FYCO1: variants seen among roughly 807,000 people sequenced by gnomAD.
FYCO1 encodes the protein FYVE and coiled-coil domain autophagy adaptor 1.
FYCO1 carries 122 observed loss-of-function variants against 165.1 expected under a neutral mutation model. That is an observed-to-expected ratio of 0.74 (90% CI 0.64 to 0.86). FYCO1 has a LOEUF of 0.86. FYCO1 is among the 40% of genes least tolerant of loss of function. FYCO1 has a pLI of 0.00. For missense variants in FYCO1, 1,702 were observed against 1,810.3 expected (o/e 0.94, Z 1.09); for synonymous variants, 648 against 742.5 (o/e 0.87, Z 2.07).
chr3:45,969,632 G>A (rs754967855), intron 7 of FYCO1, 43 bp downstream of exon 7: 1 of 1,504,052 alleles, frequency 6.6e-7, no homozygotes, highest in South Asian at 1.1e-5. Flanking sequence ...ACATACCCTG[G>A]TAGAAGCTAT....
Position 45,968,503 on chromosome 3 carries a change from C to G in FYCO1, c.831G>C (p.Glu277Asp), listed in dbSNP as rs756545424. Reference protein sequence around the residue: ...VSQQGEQLQTERERGRTAAED... With the variant: ...VSQQGEQLQTDRERGRTAAED... Reference sequence around the variant, plus strand: ...CCGCTGCAGTGCGCCCCCTCTCCCTCTCTGTCTGCAGTTGCTCCCCTTGCT... The same window carrying G: ...CCGCTGCAGTGCGCCCCCTCTCCCTGTCTGTCTGCAGTTGCTCCCCTTGCT... The change falls in exon 8 of 18, where the codon GAG (glutamate) becomes GAC (aspartate). Residue 277 changes from glutamate to aspartate, a missense_variant. Transcript: ENST00000296137. 6.8e-6 allele frequency: 11 copies of G among 1,614,000 alleles called. No homozygotes were observed. In the South Asian group the frequency reaches 9.9e-5, roughly 14 times the overall value.
Position 45,962,081 on chromosome 3 carries a change from A to C in FYCO1, c.3437+144T>G, listed in dbSNP as rs1244060045. ...GGACTCTAGTACTGGGGAAAGTGAG[A>C]TGGAGAAGGAGAGAGGGGCTCCTGA... On this transcript the variant is annotated intron_variant, in intron 11 of 17. Transcript: ENST00000296137. This position sits in a 1 kb window ranked among gnomAD's most constrained non-coding sequence, Gnocchi z 4.4. 5.6e-6 allele frequency: 5 copies of C among 885,778 alleles called. No homozygotes were observed. The highest frequency in any genetic ancestry group is 9.3e-6 in the Non-Finnish European group (5 of 536,452). 54.9% of individuals were successfully genotyped at this position (885,778 alleles called of 1,614,324 possible).
intron 1 of FYCO1, among the ~76,000 whole-genome samples, chr3:45,985,472 G>A (rs1707265318): frequency 6.6e-6 from 1 of 152,172 alleles, no homozygotes; most frequent in South Asian, 2.1e-4. Context: ...TTCTTTCTCT[G>A]AAGAATGGTC....
intron 14 of FYCO1, chr3:45,948,262 TG>T (rs1402653909): frequency 6.0e-6 from 1 of 167,030 alleles, no homozygotes; most frequent in Non-Finnish European, 1.5e-5. Context: ...CGTATGTAAA[TG>T]TATATACCCA....
In FYCO1 at chr3:45,967,704, CTT is replaced by C. The variant is rs766571780; in HGVS notation, c.1628_1629del (p.Lys543ArgfsTer26). 160 of 1,613,526 alleles carry C rather than the reference CTT, an allele frequency of 9.9e-5. No homozygotes were observed. The highest frequency in any genetic ancestry group is 1.3e-4 in the Non-Finnish European group (151 of 1,180,038). ...EEQKKQLIQD[K>X]DHLSQQVGML... ...ATACCCACCTGCTGGCTGAGGTGGTCTTTGTCCTGAATGAGCTGCTTCTTCTG... is the reference window on the plus strand; with the variant it reads ...ATACCCACCTGCTGGCTGAGGTGGTCTGTCCTGAATGAGCTGCTTCTTCTG... On this transcript the variant is annotated frameshift_variant, in exon 8 of 18. Coordinates refer to ENST00000296137, the MANE Select transcript of FYCO1 (RefSeq NM_024513.4). LOFTEE classifies it high-confidence loss of function.
chr3:45,932,688 A>G (rs771086974), intron 15 of FYCO1, among the ~76,000 whole-genome samples: 2 of 152,236 alleles, frequency 1.3e-5, no homozygotes, highest in Non-Finnish European at 2.9e-5. Context: ...AGACTCCCCA[A>G]AGCTAATGAG....
chr3:45,926,454 C>T (rs58357264), intron 16 of FYCO1, among the ~76,000 whole-genome samples: 4,105 of 152,248 alleles, frequency 0.027, 164 homozygotes, highest in East Asian at 0.17. Flanking sequence ...ATTAAAAGGA[C>T]AATAATCCTA....
At chr3:45,947,714 G>A in intron 14 of FYCO1, 1 of 565,892 alleles carries the variant, frequency 1.8e-6, no homozygotes, top group South Asian at 2.7e-5. Flanking sequence ...CCCAAGTAGG[G>A]GGTCTAAAAT....
At position 45,975,221 on chromosome 3, in the gene FYCO1, G is replaced by A; in HGVS notation, c.395+18C>T. On this transcript the variant is annotated intron_variant, in intron 5 of 17. Coordinates refer to ENST00000296137, the MANE Select transcript of FYCO1 (RefSeq NM_024513.4). ...CTGCACGGGATGATCCCAAACCCCA[G>A]CCCTGTCCTGTATTTACCTGGTCAC... 1 of 1,539,686 alleles carries A rather than the reference G, an allele frequency of 6.5e-7. No individual in the cohort carries two copies. Among genetic ancestry groups the A allele is most frequent in the Non-Finnish European group, 9.0e-7 (1 of 1,111,956 alleles).
chr3:45,955,274 A>T lies in FYCO1; in HGVS notation c.3919T>A (p.Ser1307Thr). The T allele has an allele frequency of 6.2e-7, 1 of 1,614,032 alleles. No individual in the cohort carries two copies. Among genetic ancestry groups the T allele is most frequent in the Non-Finnish European group, 8.5e-7 (1 of 1,179,996 alleles). The change falls in exon 14 of 18, where the codon TCT becomes ACT. Residue 1307 changes from serine (S) to threonine (T), a missense_variant. Ser to Thr is a moderately conservative substitution (Grantham distance 58). Transcript: ENST00000296137. Reference sequence around the variant, plus strand: ...TGTTCAGCCGCATTTGGGTCGAGAGAATCAGTTTCAGTGGGTGTTTCAGGC... The same window carrying T: ...TGTTCAGCCGCATTTGGGTCGAGAGTATCAGTTTCAGTGGGTGTTTCAGGC... ...SLPETPTETDSLDPNAAEQDT... is the reference protein window; with the variant it reads ...SLPETPTETDTLDPNAAEQDT...
At chr3:45,992,200 A>C (rs1398720944) in intron 1 of FYCO1, among the ~76,000 whole-genome samples, 1 of 152,186 alleles carries the variant, frequency 6.6e-6, no homozygotes, top group Non-Finnish European at 1.5e-5. Flanking sequence ...TCCATTCCTG[A>C]AAGTGTGCAT....
intron 16 of FYCO1, among the ~76,000 whole-genome samples, chr3:45,925,556 A>T (rs1472751220): frequency 6.6e-6 from 1 of 152,218 alleles, no homozygotes; most frequent in Non-Finnish European, 1.5e-5. Context: ...TAATATAAGG[A>T]TGCGATTACT....
intron 14 of FYCO1, among the ~76,000 whole-genome samples, chr3:45,944,230 A>G (rs538643620): frequency 6.6e-6 from 1 of 152,038 alleles, no homozygotes; most frequent in East Asian, 1.9e-4. Flanking sequence ...ATATATATAC[A>G]TTATTTCTGA....
rs924339373 is a variant in FYCO1, at chr3:45,957,136, G to A, written c.3799+1272C>T. Among the ~76,000 whole-genome samples the A allele has an allele frequency of 5.9e-5, 9 of 152,236 alleles. No individual in the cohort carries two copies. In the East Asian group the frequency reaches 7.7e-4, roughly 13 times the overall value. ...TGGCAGCATAAAAAAAAATAAGGTC[G>A]GTTTTTGACAAAGGTGCAAGGAACA... On this transcript the variant is annotated intron_variant, in intron 13 of 17. Transcript: ENST00000296137.
At position 45,955,385 on chromosome 3, in the gene FYCO1, T is replaced by C. The variant is rs145244537; in HGVS notation, c.3808A>G (p.Thr1270Ala). ...GCGTCGTCCGGTGGCCTGTAGTCTGTATTTGCTCCTGGGCAGCAGAGGCAG... is the reference window on the plus strand; with the variant it reads ...GCGTCGTCCGGTGGCCTGTAGTCTGCATTTGCTCCTGGGCAGCAGAGGCAG... ...PQATGGQGAN[T>A]DYRPPDDAVF... is the part of the protein sequence containing the mutation. The change falls in exon 14 of 18, where the codon ACA becomes GCA. Residue 1270 changes from threonine (T) to alanine (A), a missense_variant. Transcript: ENST00000296137. 1.4e-4 allele frequency: 226 copies of C among 1,614,166 alleles called. No homozygotes were observed. The highest frequency in any genetic ancestry group is 1.8e-4 in the Non-Finnish European group (213 of 1,180,036).
Position 45,968,065 on chromosome 3 carries a change from C to T in FYCO1, c.1269G>A (p.Gln423=), listed in dbSNP as rs1706197176. ...CCAGCTGTTCCAGTTGGGCACTCTG[C>T]TGTCTGTTGACCTCCTCGACCTTGG... ...ERTKVEEVNR[Q]QSAQLEQLVK... The change falls in exon 8 of 18, where the codon CAG becomes CAA. Residue 423 remains glutamine (Q), a synonymous_variant. Coordinates refer to ENST00000296137, the MANE Select transcript of FYCO1 (RefSeq NM_024513.4). 1 of 1,614,074 alleles carries T rather than the reference C, an allele frequency of 6.2e-7. No homozygotes were observed. Among genetic ancestry groups the T allele is most frequent in the African/African-American group, 1.3e-5 (1 of 74,912 alleles).
intron 6 of FYCO1, among the ~76,000 whole-genome samples, chr3:45,970,968 C>T (rs1706411150): frequency 6.6e-6 from 1 of 151,980 alleles, no homozygotes; most frequent in Non-Finnish European, 1.5e-5. Context: ...GCATTGATTA[C>T]ATGATTACTT....
intron 14 of FYCO1, chr3:45,948,030 A>T (rs1704751491): frequency 5.9e-6 from 1 of 170,266 alleles, no homozygotes; most frequent in Admixed American, 6.3e-5. Flanking sequence ...GTATAGGTAG[A>T]TGTTCAGATT....
chr3:45,930,320 G>A (rs1011939996), intron 16 of FYCO1, among the ~76,000 whole-genome samples: 3 of 152,042 alleles, frequency 2.0e-5, no homozygotes, highest in Non-Finnish European at 4.4e-5. Flanking sequence ...CTCAGGCATG[G>A]GTCTCCCTTC....
Sources: allele counts gnomAD v4.1 joint callset (sites outside exome capture counted in the v4.1 genomes callset), GRCh38; gene constraint gnomAD v4.1.1; non-coding constraint Gnocchi (gnomAD v3.1); transcripts MANE v1.5; gene names NCBI Gene and HGNC (gene_info 2026-07-23, HGNC 2026-07-21).